CDH23: variants seen among roughly 807,000 people sequenced by gnomAD.
CDH23 encodes cadherin related 23, also known as cadherin-23.
In CDH23, 189 loss-of-function variants were observed where a neutral mutation model predicts 317.1. That is an observed-to-expected ratio of 0.60 (90% CI 0.53 to 0.67). CDH23 has a LOEUF of 0.67. Among genes scored for constraint, CDH23 ranks in the 30% least tolerant of loss-of-function variants. The probability of loss-of-function intolerance (pLI) is 0.00; values close to 1 mark genes in which losing one functional copy is unlikely to be tolerated. For missense variants in CDH23, 4,401 were observed against 4,592.4 expected (o/e 0.96, Z 1.20); for synonymous variants, 1,839 against 1,876.8 (o/e 0.98, Z 0.52).
In CDH23 at chr10:71,765,014, A is replaced by C. The variant is rs575542802; in HGVS notation, c.4846-12666A>C. On this transcript the variant is annotated intron_variant, in intron 38 of 69. Coordinates refer to ENST00000224721, the MANE Select transcript of CDH23 (RefSeq NM_022124.6). ...GGCCTGGACTTCCCCTTCACACCTGAGTGGGGTGGGTGTAGCTGCAAAACT... is the reference window on the plus strand; with the variant it reads ...GGCCTGGACTTCCCCTTCACACCTGCGTGGGGTGGGTGTAGCTGCAAAACT... Among the ~76,000 whole-genome samples, 6 of 152,256 alleles carry C rather than the reference A, an allele frequency of 3.9e-5. No homozygotes were observed. The South Asian group carries it at 1.2e-3, about 32-fold the overall frequency.
intron 21 of CDH23, 106 bp downstream of exon 21, chr10:71,694,365 T>A: frequency 1.2e-6 from 1 of 859,936 alleles, no homozygotes. Flanking sequence ...TGAGGCTTTG[T>A]GAGAATGAGC....
chr10:71,615,572 C>T lies in CDH23; in HGVS notation c.901C>T (p.Arg301Trp), dbSNP rs397517364. ...GVLTLNGLLD[R>W]ENPLYSHGFI... The stretch of plus-strand genomic sequence containing the variant: ...GCTGACCTTGAATGGCCTGCTGGAC[C>T]GGGAGAACCCCCTGTACAGCCATGG... The change falls in exon 10 of 70, where the codon CGG becomes TGG. Residue 301 changes from arginine to tryptophan, a missense_variant. Physicochemically the swap from Arg to Trp is moderately radical, Grantham distance 101 (BLOSUM62 -3). Transcript: ENST00000224721. 46 of 1,613,864 alleles carry T rather than the reference C, an allele frequency of 2.9e-5. No individual in the cohort carries two copies. The highest frequency in any genetic ancestry group is 3.6e-5 in the Non-Finnish European group (43 of 1,179,870).
At chr10:71,546,316 G>T (rs138149151) in intron 6 of CDH23, among the ~76,000 whole-genome samples, 2 of 152,178 alleles carry the variant, frequency 1.3e-5, no homozygotes, top group African/African-American at 4.8e-5. Context: ...GCATTTGCTC[G>T]TGCGGAAAAA....
In CDH23 at chr10:71,615,621, G is replaced by T. The variant is rs1272964257; in HGVS notation, c.945+5G>T. ...GGCTTCATCCTGACTGTGAAGGTGA[G>T]ACCTGGGTGGGCACCTTCACCCCAG... On this transcript the variant is annotated splice_donor_5th_base_variant and intron_variant, in intron 10 of 69. Coordinates refer to ENST00000224721, the MANE Select transcript of CDH23 (RefSeq NM_022124.6). 1 of 1,605,322 alleles carries T rather than the reference G, an allele frequency of 6.2e-7. No homozygotes were observed. Among genetic ancestry groups the T allele is most frequent in the South Asian group, 1.1e-5 (1 of 90,798 alleles).
chr10:71,702,803 G>A, intron 24 of CDH23, 109 bp downstream of exon 24: 1 of 1,277,064 alleles, frequency 7.8e-7, no homozygotes, highest in Non-Finnish European at 1.1e-6. Context: ...GAGGAGCTGG[G>A]TCTTGAAGGA....
intron 6 of CDH23, among the ~76,000 whole-genome samples, chr10:71,559,433 A>G (rs1256049178): frequency 1.3e-5 from 2 of 152,222 alleles, no homozygotes; most frequent in Non-Finnish European, 2.9e-5. Flanking sequence ...AGAGGTATCC[A>G]AGGTAAATAG....
chr10:71,615,062 C>A (rs1031340927), intron 9 of CDH23, among the ~76,000 whole-genome samples: 4 of 152,066 alleles, frequency 2.6e-5, no homozygotes, highest in Non-Finnish European at 5.9e-5. Flanking sequence ...CTAGACTAGA[C>A]TAGAATAGAA....
chr10:71,404,407 C>T (rs555050413), intron 1 of CDH23, among the ~76,000 whole-genome samples: 21 of 152,328 alleles, frequency 1.4e-4, no homozygotes, highest in Admixed American at 3.9e-4. Flanking sequence ...CCGACCATTC[C>T]CTATTGCCTC....
chr10:71,789,001 A>G lies in CDH23; in HGVS notation c.5882A>G (p.Lys1961Arg), dbSNP rs890054114. The G allele has an allele frequency of 1.2e-6, 2 of 1,602,648 alleles. No individual in the cohort carries two copies. Among genetic ancestry groups the G allele is most frequent in the Admixed American group, 3.3e-5 (2 of 60,000 alleles). The change falls in exon 45 of 70, where the codon AAA becomes AGA. Residue 1961 changes from lysine (K) to arginine (R), a missense_variant. Lys to Arg is a conservative substitution (Grantham distance 26). This residue lies in a region of CDH23 where 3,068 missense variants were observed against 3,203.3 expected (regional missense o/e 0.96). Coordinates refer to ENST00000224721, the MANE Select transcript of CDH23 (RefSeq NM_022124.6). ...DENDNHPLFT[K>R]STYQAEVMEN... Reference sequence around the variant, plus strand: ...AATGACAACCACCCCCTCTTCACTAAAAGCACCTACCAGGCAGAGGTGATG... The same window carrying G: ...AATGACAACCACCCCCTCTTCACTAGAAGCACCTACCAGGCAGAGGTGATG...
At chr10:71,794,306 T>C (rs1028969009) in intron 48 of CDH23, among the ~76,000 whole-genome samples, 2 of 152,224 alleles carry the variant, frequency 1.3e-5, no homozygotes, top group African/African-American at 2.4e-5. Context: ...CCAGCCGTGA[T>C]ACCTTGTTTA....
chr10:71,536,108 G>T (rs1855686185), intron 6 of CDH23, among the ~76,000 whole-genome samples: 1 of 152,272 alleles, frequency 6.6e-6, no homozygotes, highest in South Asian at 2.1e-4. Context: ...GCCTGCGCTT[G>T]CATCGTGGGA....
At chr10:71,703,177 C>A (rs1865656400) in intron 24 of CDH23, among the ~76,000 whole-genome samples, 1 of 152,182 alleles carries the variant, frequency 6.6e-6, no homozygotes, top group Non-Finnish European at 1.5e-5. Flanking sequence ...TGATCTTGGG[C>A]CTGGCTTCTT....
At chr10:71,696,520 T>A (rs1231317165) in intron 22 of CDH23, among the ~76,000 whole-genome samples, 2 of 152,214 alleles carry the variant, frequency 1.3e-5, no homozygotes, top group Non-Finnish European at 2.9e-5. Flanking sequence ...CGAACCCTGG[T>A]CTGTCTGACT....
Position 71,397,011 on chromosome 10 carries a change from C to G in CDH23, c.-313C>G, listed in dbSNP as rs1218952626. On this transcript the variant is annotated 5_prime_UTR_variant, in exon 1 of 70. Transcript: ENST00000224721. The surrounding 1 kb of genome is among the most constrained non-coding windows in gnomAD (Gnocchi z 4.8). ...GCTAGAGGACGCGTCCGACGGCGGCCGGACGCTGAGGTGGTCGGGGCTAGT... is the reference window on the plus strand; with the variant it reads ...GCTAGAGGACGCGTCCGACGGCGGCGGGACGCTGAGGTGGTCGGGGCTAGT... 1 of 152,000 alleles carries G rather than the reference C, an allele frequency of 6.6e-6. No homozygotes were observed. The highest frequency in any genetic ancestry group is 1.5e-5 in the Non-Finnish European group (1 of 68,348). 9.4% of individuals were successfully genotyped at this position (152,000 alleles called of 1,614,324 possible). A position where few individuals can be genotyped will look rare whatever the true frequency, so the allele number is the denominator to read the frequency against.
intron 6 of CDH23, among the ~76,000 whole-genome samples, chr10:71,566,181 C>T (rs778547678): frequency 6.6e-6 from 1 of 152,174 alleles, no homozygotes. Flanking sequence ...GTGGTTGGAA[C>T]AGGCAGGACG....
intron 9 of CDH23, among the ~76,000 whole-genome samples, chr10:71,599,409 A>G (rs1284184029): frequency 6.6e-6 from 1 of 152,110 alleles, no homozygotes; most frequent in Non-Finnish European, 1.5e-5. Context: ...GGAATCATTT[A>G]TTTTATTTAG....
intron 1 of CDH23, among the ~76,000 whole-genome samples, chr10:71,432,403 TTGTG>T (rs891750807): frequency 2.8e-5 from 2 of 70,946 alleles, no homozygotes; most frequent in African/African-American, 8.0e-5. Context: ...TGGTGTGTGT[TTGTG>T]TGTGTGTGAG....
chr10:71,573,045 C>G (rs1003140394), intron 8 of CDH23, among the ~76,000 whole-genome samples: 3 of 152,240 alleles, frequency 2.0e-5, no homozygotes, highest in African/African-American at 7.2e-5. Flanking sequence ...TGACCAGGTC[C>G]TCACTGGGAA....
chr10:71,526,843 C>T (rs1243827680), intron 6 of CDH23, among the ~76,000 whole-genome samples: 1 of 152,174 alleles, frequency 6.6e-6, no homozygotes, highest in African/African-American at 2.4e-5. Flanking sequence ...GTCTTGCCCA[C>T]GTCACAGAGC....
Sources: gnomAD v4.1 joint callset for allele counts (sites outside exome capture counted in the v4.1 genomes callset) on GRCh38, gnomAD v4.1.1 for gene constraint, gnomAD v4.1.1 regional missense constraint, Gnocchi (gnomAD v3.1) non-coding constraint, MANE v1.5 for transcripts, NCBI Gene and HGNC (gene_info 2026-07-23, HGNC 2026-07-21) for gene names.